CDH2: variants seen among roughly 807,000 people sequenced by gnomAD.
CDH2 encodes cadherin 2.
In CDH2, 17 loss-of-function variants were observed where a neutral mutation model predicts 92.0. The ratio of observed to expected loss-of-function variants is 0.18; its 90% CI spans 0.13 to 0.28. CDH2 has a LOEUF of 0.28. Among genes scored for constraint, CDH2 ranks in the 10% least tolerant of loss-of-function variants. CDH2 has a pLI of 1.00. For synonymous variants in CDH2, 419 were observed against 415.9 expected (o/e 1.01, Z -0.09); for missense variants, 862 against 1,133.1 (o/e 0.76, Z 3.44).
chr18:27,942,580 G>T (rs965755366), intron 6 of CDH2, among the ~76,000 whole-genome samples: 1 of 152,192 alleles, frequency 6.6e-6, no homozygotes, highest in African/African-American at 2.4e-5. Flanking sequence ...TGCTCTGGAA[G>T]GCCAAGAGTT....
chr18:27,971,191 A>C (rs1220158), intron 14 of CDH2, among the ~76,000 whole-genome samples: 1 of 151,548 alleles, frequency 6.6e-6, no homozygotes, highest in South Asian at 2.1e-4. Flanking sequence ...AGCCAAGATC[A>C]CACCACTGCA....
intron 2 of CDH2, among the ~76,000 whole-genome samples, chr18:28,104,023 G>A (rs1915420602): frequency 1.3e-5 from 2 of 152,180 alleles, no homozygotes; most frequent in African/African-American, 4.8e-5. Context: ...TCTGCCAGCT[G>A]TGGCCAGTGG....
At chr18:28,127,107 T>C (rs889890655) in intron 2 of CDH2, among the ~76,000 whole-genome samples, 1 of 152,112 alleles carries the variant, frequency 6.6e-6, no homozygotes, top group Admixed American at 6.5e-5. Flanking sequence ...CTGCTGTGTA[T>C]AAAGAAACCA....
intron 2 of CDH2, among the ~76,000 whole-genome samples, chr18:28,039,327 G>A (rs1225767959): frequency 2.0e-5 from 3 of 152,042 alleles, no homozygotes; most frequent in Non-Finnish European, 2.9e-5. Flanking sequence ...GTGCTACACA[G>A]GAACTCTGAT....
At chr18:27,970,953 G>A (rs2011640936) in intron 14 of CDH2, among the ~76,000 whole-genome samples, 1 of 152,168 alleles carries the variant, frequency 6.6e-6, no homozygotes, top group South Asian at 2.1e-4. Flanking sequence ...AAGTCTATGT[G>A]TAGGCTGGGC....
intron 1 of CDH2, among the ~76,000 whole-genome samples, chr18:28,169,864 C>T (rs1204993085): frequency 6.6e-6 from 1 of 152,188 alleles, no homozygotes; most frequent in Non-Finnish European, 1.5e-5. Context: ...TTAATCAAGG[C>T]AGTGGGTACA....
chr18:28,083,913 G>A (rs530360160), intron 2 of CDH2, among the ~76,000 whole-genome samples: 3 of 152,232 alleles, frequency 2.0e-5, no homozygotes, highest in African/African-American at 7.2e-5. Flanking sequence ...GGGTGGGAGG[G>A]TAAGTATTTT....
intron 6 of CDH2, among the ~76,000 whole-genome samples, chr18:27,944,356 A>C (rs1909215729): frequency 6.6e-6 from 1 of 152,222 alleles, no homozygotes; most frequent in Non-Finnish European, 1.5e-5. Context: ...AAATTACTGT[A>C]GAAGCTGACA....
intron 6 of CDH2, among the ~76,000 whole-genome samples, chr18:27,941,434 C>A (rs1353261523): frequency 6.6e-6 from 1 of 152,114 alleles, no homozygotes; most frequent in African/African-American, 2.4e-5. Flanking sequence ...TTATAAAATA[C>A]CTTCACATCA....
chr18:28,169,750 A>G (rs1242218479), intron 1 of CDH2, among the ~76,000 whole-genome samples: 1 of 152,210 alleles, frequency 6.6e-6, no homozygotes, highest in African/African-American at 2.4e-5. Context: ...TTCCCATACC[A>G]TATGTATAAT....
At chr18:28,048,910 A>C (rs1030906290) in intron 2 of CDH2, among the ~76,000 whole-genome samples, 4 of 152,128 alleles carry the variant, frequency 2.6e-5, no homozygotes, top group Non-Finnish European at 4.4e-5. Context: ...AGAAAAGAAA[A>C]GAAAACTGAT....
intron 1 of CDH2, among the ~76,000 whole-genome samples, chr18:28,154,077 C>T (rs1234220546): frequency 3.3e-5 from 5 of 152,172 alleles, no homozygotes; most frequent in African/African-American, 1.2e-4. Flanking sequence ...CTCTGGAAAC[C>T]TTTCTGAACG....
In CDH2 at chr18:27,985,088, C is replaced by A. The variant is rs201056846; in HGVS notation, c.2121G>T (p.Gly707=). Reference sequence around the variant, plus strand: ...CAATCCTGTCCACATCTGTGCAGTCCCCGTTGGAGTCACACTGGCAAACCT... The same window carrying A: ...CAATCCTGTCCACATCTGTGCAGTCACCGTTGGAGTCACACTGGCAAACCT... ...RVKVCQCDSN[G]DCTDVDRIVG... Residue 707 remains glycine (G), a synonymous_variant, in exon 13 of 16, where the codon GGG becomes GGT. Coordinates refer to ENST00000269141, the MANE Select transcript of CDH2 (RefSeq NM_001792.5). 9.9e-6 allele frequency: 16 copies of A among 1,613,950 alleles called. No homozygotes were observed. Among genetic ancestry groups the A allele is most frequent in the African/African-American group, 1.3e-5 (1 of 74,918 alleles).
intron 2 of CDH2, among the ~76,000 whole-genome samples, chr18:28,055,793 A>G (rs984770551): frequency 6.6e-6 from 1 of 152,156 alleles, no homozygotes; most frequent in African/African-American, 2.4e-5. Context: ...GAAGCTACAT[A>G]TATTATATTT....
In CDH2 at chr18:27,967,239, G is replaced by A. The variant is rs534437446; in HGVS notation, c.2350-3718C>T. Among the ~76,000 whole-genome samples the A allele has an allele frequency of 1.1e-4, 16 of 152,308 alleles. No homozygotes were observed. The South Asian group carries it at 1.5e-3, about 14-fold the overall frequency. On this transcript the variant is annotated intron_variant, in intron 14 of 15. Coordinates refer to ENST00000269141, the MANE Select transcript of CDH2 (RefSeq NM_001792.5). Reference sequence around the variant, plus strand: ...TAAAAATCTGATGATGGCAGGCAGCGTGTGGAAGTATCCTCCGGCCACAGG... The same window carrying A: ...TAAAAATCTGATGATGGCAGGCAGCATGTGGAAGTATCCTCCGGCCACAGG...
At chr18:28,085,421 C>T (rs887626818) in intron 2 of CDH2, among the ~76,000 whole-genome samples, 11 of 152,076 alleles carry the variant, frequency 7.2e-5, no homozygotes, top group African/African-American at 2.2e-4. Context: ...TCTGCACACG[C>T]GTGATTTTCC....
At position 28,021,813 on chromosome 18, in the gene CDH2, T is replaced by C. The variant is rs944539158; in HGVS notation, c.173-7904A>G. Among the ~76,000 whole-genome samples the C allele has an allele frequency of 1.0e-3, 157 of 152,180 alleles. 1 individual carries two copies. Among genetic ancestry groups the C allele is most frequent in the African/African-American group, 3.6e-3 (150 of 41,582 alleles). ...TTTTGCTCAAGTAAACATTATACCA[T>C]ATTTAGAAACAATTATATGAGAACA... On this transcript the variant is annotated intron_variant, in intron 2 of 15. Coordinates refer to ENST00000269141, the MANE Select transcript of CDH2 (RefSeq NM_001792.5).
chr18:28,008,395 G>A (rs545158776), intron 5 of CDH2, among the ~76,000 whole-genome samples: 66 of 152,254 alleles, frequency 4.3e-4, no homozygotes, highest in Non-Finnish European at 7.5e-4. Context: ...AAGAAATCAA[G>A]GTCTTTGGGA....
intron 5 of CDH2, among the ~76,000 whole-genome samples, chr18:28,007,709 T>TA (rs1286146521): frequency 1.3e-5 from 2 of 152,020 alleles, no homozygotes; most frequent in Non-Finnish European, 2.9e-5. Flanking sequence ...TCTGTTCTGT[T>TA]ATGGGTTTTT....
Sources: gnomAD v4.1 joint callset for allele counts (sites outside exome capture counted in the v4.1 genomes callset) on GRCh38, gnomAD v4.1.1 for gene constraint, MANE v1.5 for transcripts, NCBI Gene and HGNC (gene_info 2026-07-23, HGNC 2026-07-21) for gene names.